Variants in CALN1 observed in about 807,000 individuals in gnomAD.
CALN1 encodes calneuron 1.
In CALN1, 17 loss-of-function variants were observed where a neutral mutation model predicts 30.6. The ratio of observed to expected loss-of-function variants is 0.56; its 90% CI spans 0.38 to 0.83. The LOEUF (loss-of-function observed/expected upper bound fraction) is 0.83, where lower values mean the gene tolerates loss of function less well. Among genes scored for constraint, CALN1 ranks in the 40% least tolerant of loss-of-function variants. The pLI is 0.00. For missense variants in CALN1, 291 were observed against 354.9 expected (o/e 0.82, Z 1.45); for synonymous variants, 156 against 131.4 (o/e 1.19, Z -1.28).
intron 2 of CALN1, among the ~76,000 whole-genome samples, chr7:72,287,495 G>A (rs1205248435): frequency 7.3e-6 from 1 of 136,678 alleles, no homozygotes; most frequent in East Asian, 2.1e-4. Context: ...CACCCAGGCT[G>A]GAGTGCAGTG....
At chr7:71,979,305 A>G (rs918974974) in intron 5 of CALN1, among the ~76,000 whole-genome samples, 1 of 152,190 alleles carries the variant, frequency 6.6e-6, no homozygotes, top group Non-Finnish European at 1.5e-5. Context: ...ATTGTAATAT[A>G]TAATGAAACA....
chr7:71,854,893 T>C (rs1011238576), intron 5 of CALN1, among the ~76,000 whole-genome samples: 1 of 152,212 alleles, frequency 6.6e-6, no homozygotes, highest in Non-Finnish European at 1.5e-5. Context: ...CCCTTAAACA[T>C]TAAGAAGCAG....
At chr7:72,394,365 G>C (rs1251587053) in intron 2 of CALN1, among the ~76,000 whole-genome samples, 1 of 152,172 alleles carries the variant, frequency 6.6e-6, no homozygotes, top group African/African-American at 2.4e-5. Flanking sequence ...TTCACTTCTA[G>C]AAAATGTAGC....
At chr7:72,207,868 G>A (rs1392056829) in intron 3 of CALN1, among the ~76,000 whole-genome samples, 2 of 152,020 alleles carry the variant, frequency 1.3e-5, no homozygotes, top group Non-Finnish European at 2.9e-5. Flanking sequence ...GTAAAAAAGT[G>A]CATTTTAAGA....
intron 2 of CALN1, among the ~76,000 whole-genome samples, chr7:72,341,982 T>C (rs1802406652): frequency 6.6e-6 from 1 of 151,940 alleles, no homozygotes; most frequent in Non-Finnish European, 1.5e-5. Flanking sequence ...GGCTAGGCAG[T>C]GGCTCACACT....
chr7:71,973,974 A>G (rs2129526579), intron 5 of CALN1, among the ~76,000 whole-genome samples: 1 of 152,350 alleles, frequency 6.6e-6, no homozygotes, highest in East Asian at 1.9e-4. Flanking sequence ...GTGCTGTAAT[A>G]AAGCCCCATT....
At chr7:72,000,529 A>G (rs1799471595) in intron 5 of CALN1, among the ~76,000 whole-genome samples, 1 of 152,126 alleles carries the variant, frequency 6.6e-6, no homozygotes, top group East Asian at 1.9e-4. Context: ...TCATAATTTA[A>G]AAGATTTTGA....
chr7:72,487,738 G>GAAAGA, the CALN1 span, among the ~76,000 whole-genome samples: 12 of 43,206 alleles, frequency 2.8e-4, no homozygotes, highest in East Asian at 1.4e-3. Flanking sequence ...AGAAAGAAAG[G>GAAAGA]AAGGAAGGAA....
chr7:71,893,209 C>G (rs933137916), intron 5 of CALN1, among the ~76,000 whole-genome samples: 1 of 152,170 alleles, frequency 6.6e-6, no homozygotes, highest in Non-Finnish European at 1.5e-5. Context: ...TTGTTTACCA[C>G]TTGGCTGGGC....
chr7:71,794,994 G>A (rs950470157), intron 6 of CALN1, among the ~76,000 whole-genome samples: 25 of 128,704 alleles, frequency 1.9e-4, no homozygotes, highest in African/African-American at 4.7e-4. Flanking sequence ...TAGATCAGTG[G>A]TGCCTTCTGA....
chr7:72,404,091 A>G (rs1451904750), intron 1 of CALN1, among the ~76,000 whole-genome samples: 1 of 152,188 alleles, frequency 6.6e-6, no homozygotes, highest in African/African-American at 2.4e-5. Flanking sequence ...TCTCTCTGGT[A>G]TCGTTACCAC....
chr7:72,271,426 T>C (rs535157167), intron 3 of CALN1, among the ~76,000 whole-genome samples: 1 of 151,524 alleles, frequency 6.6e-6, no homozygotes, highest in South Asian at 2.1e-4. Flanking sequence ...ATATTTCTTT[T>C]TGTTTTCTTT....
chr7:71,952,189 C>T (rs149305917), intron 5 of CALN1, among the ~76,000 whole-genome samples: 1 of 152,312 alleles, frequency 6.6e-6, no homozygotes, highest in East Asian at 1.9e-4. Context: ...ATGCGACCTG[C>T]AACTGCTAAA....
chr7:72,340,792 G>A (rs1053190490), intron 2 of CALN1, among the ~76,000 whole-genome samples: 9 of 152,114 alleles, frequency 5.9e-5, no homozygotes, highest in East Asian at 1.9e-4. Context: ...CCATGGGGGC[G>A]GTTTCTCCCA....
rs191667267 is a variant in CALN1 at position 71,934,604 on chromosome 7, A to C, written c.501+89053T>G. Among the ~76,000 whole-genome samples the C allele has an allele frequency of 9.8e-3, 1,489 of 152,266 alleles. 29 individuals are homozygous for C. Among genetic ancestry groups the C allele is most frequent in the African/African-American group, 0.034 (1,401 of 41,546 alleles). On this transcript the variant is annotated intron_variant, in intron 5 of 6. Coordinates refer to ENST00000395275, the MANE Select transcript of CALN1 (RefSeq NM_031468.4). ...CTCTTGAATGAACTAACAGAACGAGAACTCACTCATTACCATGGGGAGGGC... is the reference window on the plus strand; with the variant it reads ...CTCTTGAATGAACTAACAGAACGAGCACTCACTCATTACCATGGGGAGGGC...
intron 4 of CALN1, among the ~76,000 whole-genome samples, chr7:72,039,178 A>T (rs2129533483): frequency 6.6e-6 from 1 of 152,376 alleles, no homozygotes; most frequent in Middle Eastern, 3.4e-3. Context: ...AATAAAATTT[A>T]AAAATTAAAC....
chr7:72,295,579 A>C (rs1402681024), intron 2 of CALN1, among the ~76,000 whole-genome samples: 3 of 142,548 alleles, frequency 2.1e-5, no homozygotes, highest in Non-Finnish European at 4.6e-5. Context: ...GGTCCTTCAC[A>C]TCCCTTGTAA....
At chr7:72,429,947 G>A (rs1427569738) in intron 1 of CALN1, among the ~76,000 whole-genome samples, 1 of 150,400 alleles carries the variant, frequency 6.6e-6, no homozygotes, top group Admixed American at 6.6e-5. Flanking sequence ...TGCCTCCCGA[G>A]TAGCTGGGAT....
upstream of CALN1, among the ~76,000 whole-genome samples, chr7:72,451,796 CCTAT>C (rs1455703090): frequency 6.6e-6 from 1 of 151,996 alleles, no homozygotes; most frequent in East Asian, 1.9e-4. Flanking sequence ...ACCAAATTAA[CCTAT>C]CAAGAAGAAA....
Sources: gnomAD v4.1 joint callset for allele counts (sites outside exome capture counted in the v4.1 genomes callset) on GRCh38, gnomAD v4.1.1 for gene constraint, MANE v1.5 for transcripts, NCBI Gene and HGNC (gene_info 2026-07-23, HGNC 2026-07-21) for gene names.